PTPRD: variants seen among roughly 807,000 people sequenced by gnomAD.
The protein encoded by PTPRD is receptor-type tyrosine-protein phosphatase delta.
Under a neutral mutation model 214.5 loss-of-function variants are expected in PTPRD, and 34 were observed. That is an observed-to-expected ratio of 0.16 (90% CI 0.12 to 0.21). The LOEUF is 0.21. PTPRD is among the 10% of genes least tolerant of loss of function. The pLI, the probability that PTPRD is intolerant of heterozygous loss-of-function variation, is 1.00. For synonymous variants in PTPRD, 1,128 were observed against 845.7 expected (o/e 1.33, Z -5.79); for missense variants, 2,545 against 2,398.7 (o/e 1.06, Z -1.27).
chr9:9,189,253 T>A (rs2099933610), intron 9 of PTPRD, among the ~76,000 whole-genome samples: 1 of 152,012 alleles, frequency 6.6e-6, no homozygotes, highest in Non-Finnish European at 1.5e-5. Flanking sequence ...ATTTTATAGT[T>A]GAAAGAGATC....
At chr9:10,261,052 A>G (rs2093665723) in intron 3 of PTPRD, among the ~76,000 whole-genome samples, 1 of 134,178 alleles carries the variant, frequency 7.5e-6, no homozygotes, top group Admixed American at 7.5e-5. Flanking sequence ...TATATATTAT[A>G]TATGTGTATA....
chr9:8,819,494 CTAATAAAAA>C (rs1033473061), intron 11 of PTPRD, among the ~76,000 whole-genome samples: 1 of 152,048 alleles, frequency 6.6e-6, no homozygotes, highest in African/African-American at 2.4e-5. Flanking sequence ...AAACCCGTCT[CTAATAAAAA>C]TACAAAAATT....
At chr9:10,027,583 G>C (rs1025347998) in intron 4 of PTPRD, among the ~76,000 whole-genome samples, 1 of 152,146 alleles carries the variant, frequency 6.6e-6, no homozygotes, top group Non-Finnish European at 1.5e-5. Flanking sequence ...GTCAATATAT[G>C]TGGAAGCATT....
intron 11 of PTPRD, among the ~76,000 whole-genome samples, chr9:8,848,121 G>T (rs1013614248): frequency 1.3e-5 from 2 of 151,822 alleles, no homozygotes; most frequent in Non-Finnish European, 2.9e-5. Flanking sequence ...TCTGGCAGTT[G>T]TATCACTGGC....
At chr9:9,994,400 T>C (rs1381220682) in intron 4 of PTPRD, among the ~76,000 whole-genome samples, 2 of 152,192 alleles carry the variant, frequency 1.3e-5, no homozygotes, top group African/African-American at 2.4e-5. Flanking sequence ...TCTAGAATAA[T>C]TTATGTTTAT....
intron 5 of PTPRD, among the ~76,000 whole-genome samples, chr9:9,887,124 TG>T (rs1181346404): frequency 4.6e-5 from 7 of 152,152 alleles, no homozygotes; most frequent in Non-Finnish European, 7.4e-5. Context: ...ACTTACACAT[TG>T]GTGGCAAGTC....
chr9:8,390,306 T>C (rs973550888), intron 36 of PTPRD, among the ~76,000 whole-genome samples: 2 of 152,168 alleles, frequency 1.3e-5, no homozygotes, highest in African/African-American at 2.4e-5. Flanking sequence ...ACTCATCTCA[T>C]TCCACTCACC....
In PTPRD at chr9:10,187,728, G is replaced by A. The variant is rs149506598; in HGVS notation, c.-545+153235C>T. ...TTCTGCTTTAGAAAGATGCTCCTCTGCTTTCATGGGTTATTCTGCCACATC... is the reference window on the plus strand; with the variant it reads ...TTCTGCTTTAGAAAGATGCTCCTCTACTTTCATGGGTTATTCTGCCACATC... On this transcript the variant is annotated intron_variant, in intron 3 of 45. Coordinates refer to ENST00000381196, the MANE Select transcript of PTPRD (RefSeq NM_002839.4). 3.3e-3 allele frequency among the ~76,000 whole-genome samples: 505 copies of A among 152,258 alleles called. 2 individuals carry two copies. Among genetic ancestry groups the A allele is most frequent in the African/African-American group, 0.012 (482 of 41,552 alleles).
chr9:8,744,952 C>T lies in PTPRD; in HGVS notation c.-103-11006G>A, dbSNP rs568283773. Among the ~76,000 whole-genome samples the T allele has an allele frequency of 9.2e-5, 14 of 152,158 alleles. 1 individual carries two copies. In the South Asian group the frequency reaches 2.7e-3, roughly 29 times the overall value. On this transcript the variant is annotated intron_variant, in intron 11 of 45. Transcript: ENST00000381196. ...AAATGACTATCAAACCAAACAGAAA[C>T]ATAAAATCTAAAGAAAGGTAAAGAG...
intron 14 of PTPRD, among the ~76,000 whole-genome samples, chr9:8,586,867 G>A (rs2093695603): frequency 6.6e-6 from 1 of 152,250 alleles, no homozygotes; most frequent in Non-Finnish European, 1.5e-5. Context: ...ACTGAAGCCG[G>A]CTGGGCGCCG....
chr9:9,538,243 C>T (rs530817207), intron 8 of PTPRD, among the ~76,000 whole-genome samples: 5 of 151,746 alleles, frequency 3.3e-5, no homozygotes, highest in African/African-American at 4.8e-5. Context: ...GGATAAAAAC[C>T]CTCACTACTG....
At chr9:10,606,272 T>A (rs1350821447) in intron 2 of PTPRD, among the ~76,000 whole-genome samples, 1 of 151,838 alleles carries the variant, frequency 6.6e-6, no homozygotes, top group African/African-American at 2.4e-5. Flanking sequence ...GGGTGAAGAA[T>A]AAGAAATGAA....
intron 4 of PTPRD, among the ~76,000 whole-genome samples, chr9:9,956,568 A>G (rs965981193): frequency 1.3e-5 from 2 of 152,140 alleles, no homozygotes; most frequent in Non-Finnish European, 2.9e-5. Flanking sequence ...ATGTTTTGTT[A>G]TGTGGTTTAT....
intron 11 of PTPRD, among the ~76,000 whole-genome samples, chr9:8,880,261 G>T (rs1414737565): frequency 6.6e-6 from 1 of 152,098 alleles, no homozygotes; most frequent in East Asian, 1.9e-4. Flanking sequence ...TGAATAAACA[G>T]CATATAAATG....
intron 10 of PTPRD, among the ~76,000 whole-genome samples, chr9:9,165,631 A>G (rs1192729459): frequency 6.6e-6 from 1 of 152,208 alleles, no homozygotes; most frequent in African/African-American, 2.4e-5. Context: ...GAGACCACTA[A>G]TAATTTCAAG....
chr9:8,396,226 T>C (rs953533190), intron 36 of PTPRD, among the ~76,000 whole-genome samples: 2 of 152,210 alleles, frequency 1.3e-5, no homozygotes, highest in Non-Finnish European at 2.9e-5. Flanking sequence ...ATTTCCAAAA[T>C]GTCATATGGA....
intron 3 of PTPRD, among the ~76,000 whole-genome samples, chr9:10,094,049 C>A (rs2098459267): frequency 6.6e-6 from 1 of 151,220 alleles, no homozygotes; most frequent in African/African-American, 2.4e-5. Flanking sequence ...TGCAATATAT[C>A]CACATAACAA....
chr9:9,603,887 G>A (rs1230115156), intron 7 of PTPRD, among the ~76,000 whole-genome samples: 1 of 151,890 alleles, frequency 6.6e-6, no homozygotes, highest in Non-Finnish European at 1.5e-5. Flanking sequence ...TACAGGTGCA[G>A]GTTTTTTACA....
chr9:10,267,101 G>C (rs62541412), intron 3 of PTPRD, among the ~76,000 whole-genome samples: 4,429 of 150,802 alleles, frequency 0.029, 127 homozygotes, highest in Non-Finnish European at 0.041. Context: ...TGAGGCAGGA[G>C]AGTCGCCTGA....
Sources: allele counts gnomAD v4.1 joint callset (sites outside exome capture counted in the v4.1 genomes callset), GRCh38; gene constraint gnomAD v4.1.1; transcripts MANE v1.5; gene names NCBI Gene and HGNC (gene_info 2026-07-23, HGNC 2026-07-21).